Variants in CDH13 observed in about 807,000 individuals in gnomAD.
The protein encoded by CDH13 is cadherin 13.
A neutral mutation model predicts 63.8 loss-of-function variants in CDH13; 24 were observed. The ratio of observed to expected loss-of-function variants is 0.38; its 90% CI spans 0.27 to 0.53. The LOEUF is 0.53. Ranked by LOEUF, CDH13 falls within the 20% of genes least tolerant of loss-of-function variation. CDH13 has a pLI of 0.85. For synonymous variants in CDH13, 503 were observed against 355.3 expected, an observed-to-expected ratio of 1.42 and a Z score of -4.67; for missense variants, 1,049 against 903.1, an observed-to-expected ratio of 1.16 and a Z score of -2.07.
rs1904293556 is a variant in CDH13 at position 83,798,390 on chromosome 16, A to C, written c.*3360A>C. On this transcript the variant is annotated 3_prime_UTR_variant, in exon 14 of 14. Transcript: ENST00000567109. ...GAACATGGTACCAAAAAGGTGATTAATAATTATAATAATGGTTTATATTTA... is the reference window on the plus strand; with the variant it reads ...GAACATGGTACCAAAAAGGTGATTACTAATTATAATAATGGTTTATATTTA... The C allele has an allele frequency of 6.6e-6, 1 of 152,240 alleles. No individual in the cohort carries two copies. The highest frequency in any genetic ancestry group is 2.4e-5 in the African/African-American group (1 of 41,458). 9.4% of individuals were successfully genotyped at this position (152,240 alleles called of 1,614,324 possible).
intron 2 of CDH13, among the ~76,000 whole-genome samples, chr16:82,872,503 G>C (rs138757815): frequency 0.01 from 1,592 of 152,290 alleles, 19 homozygotes; most frequent in South Asian, 0.077. Context: ...AATAAGTAAG[G>C]CATCAAAATA....
In CDH13 at chr16:83,281,217, C is replaced by T. The variant is rs374263585; in HGVS notation, c.637-63645C>T. ...GCTGGATCTTCTGGATATCTTGCTGCAGCTTCTATATCAGCACTCGCTGCT... is the reference window on the plus strand; with the variant it reads ...GCTGGATCTTCTGGATATCTTGCTGTAGCTTCTATATCAGCACTCGCTGCT... On this transcript the variant is annotated intron_variant, in intron 5 of 13. Coordinates refer to ENST00000567109, the MANE Select transcript of CDH13 (RefSeq NM_001257.5). Among the ~76,000 whole-genome samples, 4 of 152,330 alleles carry T rather than the reference C, an allele frequency of 2.6e-5. No homozygotes were observed. The East Asian group carries it at 7.7e-4, about 29-fold the overall frequency.
At position 83,082,269 on chromosome 16, in the gene CDH13, C is replaced by G. The variant is rs79820407; in HGVS notation, c.367-43116C>G. Among the ~76,000 whole-genome samples the G allele has an allele frequency of 2.0e-5, 3 of 152,282 alleles. No individual in the cohort carries two copies. In the East Asian group the frequency reaches 5.8e-4, roughly 29 times the overall value. On this transcript the variant is annotated intron_variant, in intron 3 of 13. Coordinates refer to ENST00000567109, the MANE Select transcript of CDH13 (RefSeq NM_001257.5). ...CATGCAAAATGTATTCATTGCATCTCAACAGCCCAAAAAGTCTTAACTCGT... is the reference window on the plus strand; with the variant it reads ...CATGCAAAATGTATTCATTGCATCTGAACAGCCCAAAAAGTCTTAACTCGT...
intron 1 of CDH13, among the ~76,000 whole-genome samples, chr16:82,710,176 T>A (rs1262485259): frequency 6.9e-6 from 1 of 145,904 alleles, no homozygotes; most frequent in Non-Finnish European, 1.5e-5. Context: ...TAAATTTAAT[T>A]TATAAATTAA....
intron 2 of CDH13, among the ~76,000 whole-genome samples, chr16:82,894,812 A>T (rs957762994): frequency 1.3e-5 from 2 of 152,226 alleles, no homozygotes; most frequent in African/African-American, 2.4e-5. Flanking sequence ...AATGAGAGGC[A>T]AGTGACGTGA....
At chr16:83,138,947 G>T (rs1388217037) in intron 4 of CDH13, among the ~76,000 whole-genome samples, 1 of 152,110 alleles carries the variant, frequency 6.6e-6, no homozygotes, top group Admixed American at 6.5e-5. Flanking sequence ...GTAGAGGAAG[G>T]TCCCCTCTTA....
intron 1 of CDH13, among the ~76,000 whole-genome samples, chr16:82,849,909 A>G (rs2039413329): frequency 6.6e-6 from 1 of 152,258 alleles, no homozygotes; most frequent in Admixed American, 6.5e-5. Context: ...CCCACTATTG[A>G]GAACTGCTGC....
chr16:83,329,866 T>G (rs985442915), intron 5 of CDH13, among the ~76,000 whole-genome samples: 1 of 152,218 alleles, frequency 6.6e-6, no homozygotes. Flanking sequence ...TCCTCTGTTT[T>G]AAAAACTGAA....
At chr16:83,203,720 A>G (rs1222369936) in intron 4 of CDH13, among the ~76,000 whole-genome samples, 1 of 151,988 alleles carries the variant, frequency 6.6e-6, no homozygotes, top group Non-Finnish European at 1.5e-5. Flanking sequence ...CTATACACTA[A>G]TAAAAAAATT....
chr16:82,872,033 GA>G (rs1386886527), intron 2 of CDH13, among the ~76,000 whole-genome samples: 1 of 152,164 alleles, frequency 6.6e-6, no homozygotes, highest in African/African-American at 2.4e-5. Context: ...CAGGCCTGGG[GA>G]AATGGAGATG....
intron 7 of CDH13, among the ~76,000 whole-genome samples, chr16:83,587,078 G>C (rs574114816): frequency 1.5e-4 from 23 of 152,280 alleles, no homozygotes; most frequent in African/African-American, 5.3e-4. Context: ...GCCAGCAATA[G>C]AACTCTAAAC....
At chr16:83,746,410 AAAC>A (rs1340331425) in intron 10 of CDH13, among the ~76,000 whole-genome samples, 5 of 152,180 alleles carry the variant, frequency 3.3e-5, no homozygotes, top group African/African-American at 1.2e-4. Flanking sequence ...AGCAAACCAC[AAAC>A]AACCCCAAGA....
rs182453988 is a variant in CDH13 at position 83,669,004 on chromosome 16, T to C, written c.1102-1786T>C. On this transcript the variant is annotated intron_variant, in intron 8 of 13. Transcript: ENST00000567109. ...CCGTCCTTAGACTGGGACTCTATCCTGCTTCTTGCCCCGACTACATATTGG... is the reference window on the plus strand; with the variant it reads ...CCGTCCTTAGACTGGGACTCTATCCCGCTTCTTGCCCCGACTACATATTGG... 4.9e-4 allele frequency among the ~76,000 whole-genome samples: 75 copies of C among 152,348 alleles called. 1 individual carries two copies. The highest frequency in any genetic ancestry group is 6.6e-4 in the Non-Finnish European group (45 of 68,038).
chr16:83,235,554 A>G (rs753386127), intron 5 of CDH13, among the ~76,000 whole-genome samples: 1 of 148,348 alleles, frequency 6.7e-6, no homozygotes, highest in Non-Finnish European at 1.5e-5. Context: ...GAATTTGCCA[A>G]TGCTCATTTT....
chr16:83,067,373 G>C (rs558344657), intron 3 of CDH13, among the ~76,000 whole-genome samples: 1 of 152,120 alleles, frequency 6.6e-6, no homozygotes, highest in African/African-American at 2.4e-5. Flanking sequence ...ATCCCTTTGA[G>C]CCATAGTTTC....
rs774319211 is a variant in CDH13, at chr16:83,780,212, C to G, written c.1915+11C>G. 46 of 1,533,954 alleles carry G rather than the reference C, an allele frequency of 3.0e-5. No homozygotes were observed. Among genetic ancestry groups the G allele is most frequent in the Non-Finnish European group, 3.7e-5 (42 of 1,121,578 alleles). ...TCTCCAAGATCAACAGTAAGTCTGG[C>G]TAAAGCATTTCTGCCTATTCTTCCA... On this transcript the variant is annotated intron_variant, in intron 12 of 13. Coordinates refer to ENST00000567109, the MANE Select transcript of CDH13 (RefSeq NM_001257.5).
At chr16:82,720,768 C>T (rs961350404) in intron 1 of CDH13, among the ~76,000 whole-genome samples, 1 of 152,048 alleles carries the variant, frequency 6.6e-6, no homozygotes, top group Non-Finnish European at 1.5e-5. Context: ...TCATGATGGC[C>T]AGGTCTTCCT....
chr16:82,956,519 A>T (rs1004169220), intron 2 of CDH13, among the ~76,000 whole-genome samples: 1 of 151,832 alleles, frequency 6.6e-6, no homozygotes, highest in East Asian at 1.9e-4. Context: ...CTGAAGGATT[A>T]TTTTCAAGCT....
chr16:82,995,793 G>A (rs916683990), intron 2 of CDH13, among the ~76,000 whole-genome samples: 8 of 152,152 alleles, frequency 5.3e-5, no homozygotes, highest in Admixed American at 5.2e-4. Context: ...GATATAACTA[G>A]ATGATAACAG....
Sources: allele counts gnomAD v4.1 joint callset (sites outside exome capture counted in the v4.1 genomes callset), GRCh38; gene constraint gnomAD v4.1.1; transcripts MANE v1.5; gene names NCBI Gene and HGNC (gene_info 2026-07-23, HGNC 2026-07-21).